The following CACNA1B variants were observed in gnomAD, a reference collection of about 807,000 sequenced individuals.
CACNA1B encodes calcium voltage-gated channel subunit alpha1 B, also known as voltage-dependent N-type calcium channel subunit alpha-1B.
CACNA1B carries 70 observed loss-of-function variants against 247.2 expected under a neutral mutation model. That is an observed-to-expected ratio of 0.28 (90% confidence interval 0.23 to 0.35). CACNA1B has a LOEUF of 0.35. Among genes scored for constraint, CACNA1B ranks in the 10% least tolerant of loss-of-function variants. The probability of loss-of-function intolerance (pLI) is 1.00; values close to 1 mark genes in which losing one functional copy is unlikely to be tolerated. For synonymous variants in CACNA1B, 1,231 were observed against 1,294.4 expected (o/e 0.95, Z 1.05); for missense variants, 2,367 against 3,197.4 (o/e 0.74, Z 6.26).
chr9:137,918,348 C>G (rs1284022906), intron 6 of CACNA1B, among the ~76,000 whole-genome samples: 1 of 152,084 alleles, frequency 6.6e-6, no homozygotes, highest in Admixed American at 6.5e-5. Context: ...CTGTCTGTCC[C>G]CTCTGTGAGT....
intron 31 of CACNA1B, among the ~76,000 whole-genome samples, chr9:138,069,237 T>C (rs897781878): frequency 1.2e-4 from 19 of 152,336 alleles, no homozygotes; most frequent in East Asian, 3.9e-4. Flanking sequence ...CACTTTTTTT[T>C]CTTAGGCAAA....
At chr9:138,093,046 A>G (rs1960930948) in intron 36 of CACNA1B, among the ~76,000 whole-genome samples, 1 of 152,236 alleles carries the variant, frequency 6.6e-6, no homozygotes, top group South Asian at 2.1e-4. Context: ...ATAATTAGGG[A>G]AATGCAAATC....
chr9:137,891,617 C>A lies in CACNA1B; in HGVS notation c.530+8734C>A. On this transcript the variant is annotated intron_variant, in intron 3 of 46. Transcript: ENST00000371372. The surrounding 1 kb of genome is among the most constrained non-coding windows in gnomAD (Gnocchi z 4.3). Reference sequence around the variant, plus strand: ...GGGCACGTGGTGGTGGACACCCCTTCCTGCTCTCCTTCTCCTCCTTCACAC... The same window carrying A: ...GGGCACGTGGTGGTGGACACCCCTTACTGCTCTCCTTCTCCTCCTTCACAC... 1 of 207,098 alleles carries A rather than the reference C, an allele frequency of 4.8e-6. No individual in the cohort carries two copies. Among genetic ancestry groups the A allele is most frequent in the Non-Finnish European group, 9.7e-6 (1 of 102,736 alleles). The allele number at this position is 207,098 out of a possible 1,614,324, so 12.8% of individuals were successfully genotyped here.
Position 138,121,495 on chromosome 9 carries a change from C to G in CACNA1B, c.6516C>G (p.Pro2172=), listed in dbSNP as rs1962097843. The G allele has an allele frequency of 6.5e-7, 1 of 1,541,326 alleles. No individual in the cohort carries two copies. The highest frequency in any genetic ancestry group is 1.2e-5 in the South Asian group (1 of 80,098). The change falls in exon 47 of 47, where the codon CCC becomes CCG. Residue 2172 remains proline, a synonymous_variant. Transcript: ENST00000371372. The surrounding 1 kb of genome is among the most constrained non-coding windows in gnomAD (Gnocchi z 6.8). ...PQGSGSVNGS[P]LLSTSGASTP... The stretch of plus-strand genomic sequence containing the variant: ...GCAGTGGTTCCGTGAATGGGAGCCC[C>G]TTGCTGTCAACATCTGGTGCTAGCA...
At chr9:137,970,959 G>A (rs562681626) in intron 10 of CACNA1B, among the ~76,000 whole-genome samples, 2 of 152,328 alleles carry the variant, frequency 1.3e-5, no homozygotes, top group African/African-American at 4.8e-5. Flanking sequence ...TCCGGAGGGC[G>A]AGAGAGGGAG....
In CACNA1B at chr9:138,051,012, C is replaced by A. The variant is rs889862935; in HGVS notation, c.3711-1080C>A. ...GGCAGGGCCACCCCTAGAAGCAGGC[C>A]TTCCCCAGGGAGCGTGGTGGGACGT... On this transcript the variant is annotated intron_variant, in intron 24 of 46. Coordinates refer to ENST00000371372, the MANE Select transcript of CACNA1B (RefSeq NM_000718.4). This position sits in a 1 kb window ranked among gnomAD's most constrained non-coding sequence, Gnocchi z 4.3. Among the ~76,000 whole-genome samples, 1 of 152,154 alleles carries A rather than the reference C, an allele frequency of 6.6e-6. No homozygotes were observed. The highest frequency in any genetic ancestry group is 6.5e-5 in the Admixed American group (1 of 15,288).
intron 20 of CACNA1B, among the ~76,000 whole-genome samples, chr9:138,030,833 C>T (rs1958979488): frequency 2.0e-5 from 3 of 152,042 alleles, no homozygotes; most frequent in Admixed American, 6.6e-5. Context: ...TAAGTGTATA[C>T]AGTTGTTTGT....
In CACNA1B at chr9:138,050,128, G is replaced by A. The variant is rs1261143022; in HGVS notation, c.3710+813G>A. The A allele has an allele frequency of 4.7e-6, 6 of 1,273,774 alleles. No individual in the cohort carries two copies. In the Admixed American group the frequency reaches 1.4e-4, roughly 29 times the overall value. The allele number at this position is 1,273,774 out of a possible 1,614,324, so 78.9% of individuals were successfully genotyped here. A position where few individuals can be genotyped will look rare whatever the true frequency, so the allele number is the denominator to read the frequency against. ...CCCACACGCTGCCCCTGACATCACA[G>A]CATTCCAGCAGCCCCTCTTGGGTCA... is the stretch of plus-strand genomic sequence containing the variant. On this transcript the variant is annotated intron_variant, in intron 24 of 46. Coordinates refer to ENST00000371372, the MANE Select transcript of CACNA1B (RefSeq NM_000718.4). This position sits in a 1 kb window ranked among gnomAD's most constrained non-coding sequence, Gnocchi z 5.2.
chr9:137,904,201 C>G (rs1030167852), intron 3 of CACNA1B, among the ~76,000 whole-genome samples: 2 of 152,178 alleles, frequency 1.3e-5, no homozygotes, highest in South Asian at 2.1e-4. Context: ...GGGCTCACAA[C>G]TTGGGTGAAC....
chr9:137,897,656 A>G (rs990227589), intron 3 of CACNA1B, among the ~76,000 whole-genome samples: 1 of 152,056 alleles, frequency 6.6e-6, no homozygotes, highest in Admixed American at 6.5e-5. Flanking sequence ...AATATGTTGT[A>G]TTTTCGATTT....
In CACNA1B at chr9:137,990,587, C is replaced by T. The variant is rs896581930; in HGVS notation, c.1974+3733C>T. 1.3e-5 allele frequency among the ~76,000 whole-genome samples: 2 copies of T among 152,092 alleles called. No homozygotes were observed. Among genetic ancestry groups the T allele is most frequent in the African/African-American group, 4.8e-5 (2 of 41,394 alleles). ...ACAAAAATACAGCCGAGGACCCTCACAGAGTCCACTTCACTCCCCTGCTAC... is the reference window on the plus strand; with the variant it reads ...ACAAAAATACAGCCGAGGACCCTCATAGAGTCCACTTCACTCCCCTGCTAC... On this transcript the variant is annotated intron_variant, in intron 15 of 46. Coordinates refer to ENST00000371372, the MANE Select transcript of CACNA1B (RefSeq NM_000718.4). This position sits in a 1 kb window ranked among gnomAD's most constrained non-coding sequence, Gnocchi z 4.5.
intron 37 of CACNA1B, among the ~76,000 whole-genome samples, chr9:138,097,610 T>A (rs1397853445): frequency 6.6e-6 from 1 of 152,100 alleles, no homozygotes; most frequent in Admixed American, 6.5e-5. Context: ...AGTGAGTGCG[T>A]AGACATCCAC....
chr9:137,968,173 C>T (rs913296393), intron 10 of CACNA1B, among the ~76,000 whole-genome samples: 1 of 152,178 alleles, frequency 6.6e-6, no homozygotes, highest in Non-Finnish European at 1.5e-5. Context: ...ATTCAGGACC[C>T]ACTGGCCTCC....
rs942832566 is a variant in CACNA1B at position 138,020,508 on chromosome 9, G to C, written c.2268-2503G>C. Among the ~76,000 whole-genome samples the C allele has an allele frequency of 6.6e-6, 1 of 152,198 alleles. No homozygotes were observed. Among genetic ancestry groups the C allele is most frequent in the Non-Finnish European group, 1.5e-5 (1 of 68,034 alleles). ...CTGACTTAAGACACCATGCAGAGAG[G>C]CCCGGCACGCAGATTCAGAGACCTA... On this transcript the variant is annotated intron_variant, in intron 18 of 46. Coordinates refer to ENST00000371372, the MANE Select transcript of CACNA1B (RefSeq NM_000718.4). This position sits in a 1 kb window ranked among gnomAD's most constrained non-coding sequence, Gnocchi z 4.1.
At chr9:138,113,221 G>A (rs1202880921) in intron 40 of CACNA1B, among the ~76,000 whole-genome samples, 1 of 148,112 alleles carries the variant, frequency 6.8e-6, no homozygotes, top group Admixed American at 6.8e-5. Context: ...GAGGCATGAG[G>A]GAGTTCGGGG....
intron 5 of CACNA1B, among the ~76,000 whole-genome samples, chr9:137,915,648 C>A (rs1388154690): frequency 6.6e-6 from 1 of 151,916 alleles, no homozygotes; most frequent in Non-Finnish European, 1.5e-5. Flanking sequence ...AACCTTTAAT[C>A]CAACTGTAAA....
At chr9:138,091,864 G>T (rs1055036052) in intron 36 of CACNA1B, among the ~76,000 whole-genome samples, 2 of 152,190 alleles carry the variant, frequency 1.3e-5, no homozygotes, top group African/African-American at 4.8e-5. Flanking sequence ...GTGTCGGCTG[G>T]TCTGAGAAAT....
chr9:137,894,302 ATT>A (rs56794355), intron 3 of CACNA1B, among the ~76,000 whole-genome samples: 1,087 of 96,032 alleles, frequency 0.011, 12 homozygotes, highest in African/African-American at 0.036. Flanking sequence ...TTGTCTCTGT[ATT>A]TTTTTTTTTT....
intron 21 of CACNA1B, among the ~76,000 whole-genome samples, chr9:138,045,601 G>A (rs774532879): frequency 1.3e-5 from 2 of 152,182 alleles, no homozygotes; most frequent in African/African-American, 2.4e-5. Flanking sequence ...CTGGGGTCCC[G>A]CCTGCAGACC....
Sources: gnomAD v4.1 joint callset for allele counts (sites outside exome capture counted in the v4.1 genomes callset) on GRCh38, gnomAD v4.1.1 for gene constraint, Gnocchi (gnomAD v3.1) non-coding constraint, MANE v1.5 for transcripts, NCBI Gene and HGNC (gene_info 2026-07-23, HGNC 2026-07-21) for gene names.